Variants in PRKAG2 observed in about 807,000 individuals in gnomAD.
The protein encoded by PRKAG2 is protein kinase AMP-activated non-catalytic subunit gamma 2.
In PRKAG2, 26 loss-of-function variants were observed where a neutral mutation model predicts 69.6. That is an observed-to-expected ratio of 0.37 (90% CI 0.27 to 0.52). PRKAG2 has a LOEUF of 0.52. PRKAG2 is among the 20% of genes least tolerant of loss of function. The pLI, the probability that PRKAG2 is intolerant of heterozygous loss-of-function variation, is 0.90. For synonymous variants in PRKAG2, 293 were observed against 285.0 expected (o/e 1.03, Z -0.28); for missense variants, 557 against 740.0 (o/e 0.75, Z 2.87).
intron 3 of PRKAG2, among the ~76,000 whole-genome samples, chr7:151,772,154 G>C (rs903703185): frequency 6.6e-6 from 1 of 152,158 alleles, no homozygotes; most frequent in African/African-American, 2.4e-5. Flanking sequence ...CTTTACCCAG[G>C]GTGTCAAAGG....
In PRKAG2 at chr7:151,560,180, C is replaced by T. The variant is rs1022401920; in HGVS notation, c.1678+344G>A. ...TATCAAATAGAAGCCAGTGACGTTC[C>T]CTCTATGTTTCTGGTCACTAGTTCT... On this transcript the variant is annotated intron_variant, in intron 15 of 15. Transcript: ENST00000287878. 4 of 985,144 alleles carry T rather than the reference C, an allele frequency of 4.1e-6. No individual in the cohort carries two copies. The African/African-American group carries it at 7.0e-5, about 17-fold the overall frequency. 61.0% of individuals were successfully genotyped at this position (985,144 alleles called of 1,614,324 possible).
At chr7:151,670,152 C>G (rs142090203) in intron 4 of PRKAG2, among the ~76,000 whole-genome samples, 1 of 151,804 alleles carries the variant, frequency 6.6e-6, no homozygotes, top group Non-Finnish European at 1.5e-5. Context: ...GTGCACACAC[C>G]TGCATGCATG....
chr7:151,670,626 C>T (rs1831860975), intron 4 of PRKAG2, among the ~76,000 whole-genome samples: 1 of 152,216 alleles, frequency 6.6e-6, no homozygotes, highest in Non-Finnish European at 1.5e-5. Flanking sequence ...GGTTCTATCA[C>T]ACTCCATTGT....
rs1430451994 is a variant in PRKAG2 at position 151,556,134 on chromosome 7, T to C, written c.*1067A>G. On this transcript the variant is annotated 3_prime_UTR_variant, in exon 16 of 16. Transcript: ENST00000287878. Reference sequence around the variant, plus strand: ...ACTTCTTTAACAAAATGGTAGATAGTAGGATCTATTTTAATTTTTCAATCT... The same window carrying C: ...ACTTCTTTAACAAAATGGTAGATAGCAGGATCTATTTTAATTTTTCAATCT... 1 of 146,792 alleles carries C rather than the reference T, an allele frequency of 6.8e-6. No individual in the cohort carries two copies. The highest frequency in any genetic ancestry group is 1.5e-5 in the Non-Finnish European group (1 of 67,106). 9.1% of individuals were successfully genotyped at this position (146,792 alleles called of 1,614,324 possible). A position where few individuals can be genotyped will look rare whatever the true frequency, so the allele number is the denominator to read the frequency against.
Position 151,574,801 on chromosome 7 carries a change from A to T in PRKAG2, c.1005+90T>A, listed in dbSNP as rs1020636015. ...TACCAAAAAAGAAAAAACTGAAAAC[A>T]TTAAAAATCTTAAAATACACACATA... is the stretch of plus-strand genomic sequence containing the variant. On this transcript the variant is annotated intron_variant, in intron 8 of 15. Transcript: ENST00000287878. 3 of 1,566,700 alleles carry T rather than the reference A, an allele frequency of 1.9e-6. No individual in the cohort carries two copies. In the African/African-American group the frequency reaches 4.1e-5, roughly 22 times the overall value.
chr7:151,566,716 A>G, intron 11 of PRKAG2: 1 of 363,388 alleles, frequency 2.8e-6, no homozygotes, highest in South Asian at 2.2e-5. Context: ...ATTTAGAGAA[A>G]AAAAAAAAGA....
chr7:151,772,879 C>T (rs907284743), intron 3 of PRKAG2, among the ~76,000 whole-genome samples: 14 of 151,212 alleles, frequency 9.3e-5, no homozygotes, highest in South Asian at 4.2e-4. Flanking sequence ...CCACCTATTG[C>T]GGGCAAAGGG....
intron 1 of PRKAG2, among the ~76,000 whole-genome samples, chr7:151,844,536 A>G (rs2079385743): frequency 6.6e-6 from 1 of 152,216 alleles, no homozygotes; most frequent in Admixed American, 6.5e-5. Flanking sequence ...AGCGAATCAC[A>G]AAGTTATTTT....
At chr7:151,753,921 C>T (rs938031456) in intron 3 of PRKAG2, among the ~76,000 whole-genome samples, 5 of 152,120 alleles carry the variant, frequency 3.3e-5, no homozygotes, top group African/African-American at 1.2e-4. Flanking sequence ...GTAGTCGCAG[C>T]TACTCAGGAG....
chr7:151,569,310 C>T (rs917155099), intron 10 of PRKAG2, among the ~76,000 whole-genome samples: 9 of 152,244 alleles, frequency 5.9e-5, no homozygotes, highest in African/African-American at 4.8e-5. Flanking sequence ...GCTGGGATTA[C>T]GGGCATGAGC....
At chr7:151,737,103 A>C (rs1329401935) in intron 3 of PRKAG2, among the ~76,000 whole-genome samples, 1 of 152,230 alleles carries the variant, frequency 6.6e-6, no homozygotes, top group Admixed American at 6.5e-5. Context: ...GCCTCACTAA[A>C]GTTACCTGCT....
intron 4 of PRKAG2, among the ~76,000 whole-genome samples, chr7:151,644,189 C>T (rs775728841): frequency 6.6e-6 from 1 of 152,060 alleles, no homozygotes; most frequent in South Asian, 2.1e-4. Flanking sequence ...AAATAACTTA[C>T]TCATGTAAGT....
chr7:151,674,956 G>A (rs952087676), intron 4 of PRKAG2: 3 of 218,330 alleles, frequency 1.4e-5, no homozygotes, highest in Admixed American at 5.2e-5. Flanking sequence ...AGTCTGCTCT[G>A]TTACATAGGG....
intron 5 of PRKAG2, among the ~76,000 whole-genome samples, chr7:151,600,853 G>A (rs752085323): frequency 2.0e-5 from 3 of 152,228 alleles, no homozygotes; most frequent in South Asian, 4.1e-4. Context: ...TGCTCATTAC[G>A]GACCAGGTAC....
chr7:151,566,005 T>A, intron 11 of PRKAG2, 120 bp from the exon 12 acceptor site: 1 of 1,102,228 alleles, frequency 9.1e-7, no homozygotes, highest in Non-Finnish European at 1.4e-6. Flanking sequence ...TCTAACAGTC[T>A]ACCTGGATGC....
intron 15 of PRKAG2, chr7:151,559,252 A>G: frequency 1.0e-5 from 10 of 974,666 alleles, no homozygotes; most frequent in Non-Finnish European, 1.1e-5. Context: ...CCTGTATCGT[A>G]TTCCATCGAA....
intron 3 of PRKAG2, among the ~76,000 whole-genome samples, chr7:151,715,839 C>T (rs771790636): frequency 2.6e-5 from 4 of 151,516 alleles, no homozygotes; most frequent in South Asian, 2.1e-4. Flanking sequence ...GGAGAGAGGG[C>T]GGGGCGGGGC....
At chr7:151,559,742 G>A (rs1364302668) in intron 15 of PRKAG2, 1 of 985,246 alleles carries the variant, frequency 1.0e-6, no homozygotes, top group Non-Finnish European at 1.2e-6. Context: ...TGGATTCTGA[G>A]AGTTCAAAGG....
intron 1 of PRKAG2, among the ~76,000 whole-genome samples, chr7:151,869,086 T>TG (rs1554621290): frequency 2.6e-4 from 39 of 151,708 alleles, no homozygotes; most frequent in African/African-American, 4.9e-4. Context: ...GAGGTTTTAT[T>TG]GGGGGGGGCA....
Sources: gnomAD v4.1 joint callset for allele counts (sites outside exome capture counted in the v4.1 genomes callset) on GRCh38, gnomAD v4.1.1 for gene constraint, MANE v1.5 for transcripts, NCBI Gene and HGNC (gene_info 2026-07-23, HGNC 2026-07-21) for gene names.